SBF2: variants seen among roughly 807,000 people sequenced by gnomAD.
SBF2 encodes SET binding factor 2, also known as myotubularin-related protein 13.
Under a neutral mutation model 225.2 loss-of-function variants are expected in SBF2, and 112 were observed. The observed-to-expected ratio is 0.50, with a 90% CI of 0.43 to 0.58. SBF2 has a LOEUF of 0.58. Ranked by LOEUF, SBF2 falls within the 20% of genes least tolerant of loss-of-function variation. The probability of loss-of-function intolerance (pLI) is 0.00; values close to 1 mark genes in which losing one functional copy is unlikely to be tolerated. For missense variants in SBF2, 1,996 were observed against 2,206.2 expected (o/e 0.90, Z 1.91); for synonymous variants, 763 against 773.3 (o/e 0.99, Z 0.22).
In SBF2 at chr11:9,850,029, G is replaced by A. The variant is rs1303747159; in HGVS notation, c.2800C>T (p.Gln934Ter). Residue 934 changes from glutamine to a stop codon, truncating the protein, a stop_gained, in exon 22 of 40, where the codon CAG (glutamine) becomes TAG (stop). Coordinates refer to ENST00000256190, the MANE Select transcript of SBF2 (RefSeq NM_030962.4). LOFTEE classifies it high-confidence loss of function. Reference protein sequence around the residue: ...RILFRGTPHDQLVGEQTVVRS... With the variant: ...RILFRGTPHD ...ATGGCATATCGAGTCATACCTAACT[G>A]ATCATGGGGTGTTCCTCTGAAGAGA... The A allele has an allele frequency of 6.2e-7, 1 of 1,613,864 alleles. No homozygotes were observed. The highest frequency in any genetic ancestry group is 1.7e-5 in the Admixed American group (1 of 60,020).
chr11:10,204,289 T>C (rs1389128788), intron 1 of SBF2, among the ~76,000 whole-genome samples: 1 of 147,260 alleles, frequency 6.8e-6, no homozygotes, highest in East Asian at 2.0e-4. Flanking sequence ...AGAGAAAATA[T>C]CCTTCAAAAA....
chr11:9,833,263 G>T (rs1173066457), intron 26 of SBF2, among the ~76,000 whole-genome samples: 5 of 152,028 alleles, frequency 3.3e-5, no homozygotes, highest in African/African-American at 1.2e-4. Context: ...TATGATGCTG[G>T]GAAAATAACA....
At chr11:9,992,369 TC>T in intron 12 of SBF2, 45 bp downstream of exon 12, 2 of 1,526,234 alleles carry the variant, frequency 1.3e-6, no homozygotes. Context: ...TAACTACTAG[TC>T]TAATTATGTC....
chr11:10,075,709 C>CCTA (rs1175811714), intron 2 of SBF2, among the ~76,000 whole-genome samples: 3 of 152,194 alleles, frequency 2.0e-5, no homozygotes, highest in Non-Finnish European at 2.9e-5. Flanking sequence ...TGCCATGCCT[C>CCTA]CTGTACAGCC....
chr11:10,075,066 T>C (rs928791486), intron 2 of SBF2, among the ~76,000 whole-genome samples: 8 of 152,304 alleles, frequency 5.3e-5, no homozygotes, highest in Admixed American at 2.6e-4. Flanking sequence ...AAACCAGAAG[T>C]TGGATGGCAA....
chr11:9,851,978 GC>G (rs1564915673), intron 21 of SBF2, among the ~76,000 whole-genome samples: 1 of 152,100 alleles, frequency 6.6e-6, no homozygotes, highest in Non-Finnish European at 1.5e-5. Flanking sequence ...TCATCATGTT[GC>G]CCAGGCGCTG....
intron 2 of SBF2, among the ~76,000 whole-genome samples, chr11:10,061,659 A>C (rs548277645): frequency 6.6e-6 from 1 of 152,330 alleles, no homozygotes; most frequent in South Asian, 2.1e-4. Flanking sequence ...CTCTACAATG[A>C]GAATTACAAA....
intron 2 of SBF2, among the ~76,000 whole-genome samples, chr11:10,129,409 C>G (rs1465740957): frequency 2.6e-5 from 4 of 152,088 alleles, no homozygotes; most frequent in African/African-American, 9.7e-5. Flanking sequence ...GGCCAATTTT[C>G]TCTCCTTTCT....
chr11:10,134,854 C>T (rs1370213634), intron 2 of SBF2, among the ~76,000 whole-genome samples: 5 of 152,290 alleles, frequency 3.3e-5, no homozygotes, highest in East Asian at 1.9e-4. Context: ...TGCAAGCTGT[C>T]GGTGGATCTA....
chr11:9,927,837 T>C (rs1240543864), intron 16 of SBF2, among the ~76,000 whole-genome samples: 1 of 152,194 alleles, frequency 6.6e-6, no homozygotes, highest in Non-Finnish European at 1.5e-5. Flanking sequence ...CTTAAATCTA[T>C]ACTATTTTTC....
At position 10,115,101 on chromosome 11, in the gene SBF2, T is replaced by G. The variant is rs1953067394; in HGVS notation, c.142-72120A>C. Among the ~76,000 whole-genome samples, 3 of 152,332 alleles carry G rather than the reference T, an allele frequency of 2.0e-5. No individual in the cohort carries two copies. In the East Asian group the frequency reaches 5.8e-4, roughly 29 times the overall value. The stretch of plus-strand genomic sequence containing the variant: ...TAATTTTTTGCTTATTTTACAGTAT[T>G]TTTTATTTTGATAGGAATGACTACA... On this transcript the variant is annotated intron_variant, in intron 2 of 39. Coordinates refer to ENST00000256190, the MANE Select transcript of SBF2 (RefSeq NM_030962.4).
intron 23 of SBF2, 127 bp from the exon 24 acceptor site, chr11:9,845,867 A>G: frequency 1.2e-6 from 1 of 811,258 alleles, no homozygotes. Context: ...GATAACATGC[A>G]ATACAATTTT....
At chr11:10,115,303 A>G (rs1953080640) in intron 2 of SBF2, among the ~76,000 whole-genome samples, 1 of 152,212 alleles carries the variant, frequency 6.6e-6, no homozygotes. Flanking sequence ...ATTGCTGTGT[A>G]TTTTTAGAGT....
intron 2 of SBF2, among the ~76,000 whole-genome samples, chr11:10,133,295 C>T (rs1016956739): frequency 4.7e-5 from 7 of 149,612 alleles, no homozygotes; most frequent in Non-Finnish European, 8.9e-5. Context: ...AGTCCTGCGC[C>T]GTGTGCTCGC....
intron 2 of SBF2, among the ~76,000 whole-genome samples, chr11:10,186,658 A>T (rs962767261): frequency 6.6e-6 from 1 of 152,142 alleles, no homozygotes; most frequent in Non-Finnish European, 1.5e-5. Context: ...GCCATTGGTG[A>T]CTAAACTCAA....
At chr11:10,212,738 C>T (rs1411675438) in intron 1 of SBF2, among the ~76,000 whole-genome samples, 3 of 152,150 alleles carry the variant, frequency 2.0e-5, no homozygotes, top group Non-Finnish European at 4.4e-5. Context: ...GCATGCCTAT[C>T]TTGAGTCTGA....
intron 14 of SBF2, among the ~76,000 whole-genome samples, chr11:9,965,870 TTG>T (rs1300982478): frequency 6.6e-6 from 1 of 152,206 alleles, no homozygotes; most frequent in African/African-American, 2.4e-5. Context: ...TCATTCATAA[TTG>T]TGGGCTCTGG....
intron 2 of SBF2, among the ~76,000 whole-genome samples, chr11:10,069,089 T>G (rs1490706344): frequency 6.6e-6 from 1 of 152,208 alleles, no homozygotes; most frequent in East Asian, 1.9e-4. Flanking sequence ...ATAATTTGAA[T>G]AGTACAATGA....
At chr11:10,258,495 C>T (rs954601925) in intron 1 of SBF2, among the ~76,000 whole-genome samples, 5 of 152,114 alleles carry the variant, frequency 3.3e-5, no homozygotes, top group Non-Finnish European at 7.4e-5. Context: ...TTGCCTGGAA[C>T]TCATGTTTTG....
Sources: gnomAD v4.1 joint callset for allele counts (sites outside exome capture counted in the v4.1 genomes callset) on GRCh38, gnomAD v4.1.1 for gene constraint, MANE v1.5 for transcripts, NCBI Gene and HGNC (gene_info 2026-07-23, HGNC 2026-07-21) for gene names.